Variants in CLYBL observed in about 807,000 individuals in gnomAD.
The protein encoded by CLYBL is citramalyl-CoA lyase.
In CLYBL, 31 loss-of-function variants were observed where a neutral mutation model predicts 38.9. That is an observed-to-expected ratio of 0.80 (90% CI 0.60 to 1.08). CLYBL has a LOEUF of 1.08. Among genes scored for constraint, CLYBL ranks in the 50% least tolerant of loss-of-function variants. The pLI, the probability that CLYBL is intolerant of heterozygous loss-of-function variation, is 0.00. For synonymous variants in CLYBL, 171 were observed against 158.6 expected (o/e 1.08, Z -0.59); for missense variants, 434 against 411.6 (o/e 1.05, Z -0.47).
chr13:99,766,905 T>G (rs536546725), intron 1 of CLYBL, among the ~76,000 whole-genome samples: 12 of 152,338 alleles, frequency 7.9e-5, no homozygotes, highest in African/African-American at 2.9e-4. Flanking sequence ...CACTCTGATT[T>G]GGCATCTCCT....
intron 2 of CLYBL, among the ~76,000 whole-genome samples, chr13:99,827,903 G>A (rs2050727533): frequency 6.6e-6 from 1 of 152,168 alleles, no homozygotes; most frequent in African/African-American, 2.4e-5. Context: ...CAAAAAGTTG[G>A]CCATTGTCAT....
chr13:99,641,629 C>T (rs2047095398), intron 1 of CLYBL, among the ~76,000 whole-genome samples: 1 of 147,564 alleles, frequency 6.8e-6, no homozygotes, highest in South Asian at 2.4e-4. Flanking sequence ...ACGGTGAAAC[C>T]CCATCTCTAC....
chr13:99,807,809 A>C (rs1470651949), intron 2 of CLYBL, among the ~76,000 whole-genome samples: 1 of 152,220 alleles, frequency 6.6e-6, no homozygotes, highest in African/African-American at 2.4e-5. Context: ...ATGTTTCACC[A>C]TAATAAAATA....
Position 99,891,414 on chromosome 13 carries a change from T to A in CLYBL, c.*1T>A. On this transcript the variant is annotated 3_prime_UTR_variant, in exon 8 of 9. Transcript: ENST00000339105. Reference sequence around the variant, plus strand: ...TGCCACCTCCATCAAGGAAAAATGATCTGTTAAATGAAGCTGTCATCAGGT... The same window carrying A: ...TGCCACCTCCATCAAGGAAAAATGAACTGTTAAATGAAGCTGTCATCAGGT... 1.2e-6 allele frequency: 2 copies of A among 1,609,200 alleles called. No homozygotes were observed. Among genetic ancestry groups the A allele is most frequent in the Non-Finnish European group, 1.7e-6 (2 of 1,175,540 alleles).
At chr13:99,730,993 G>A (rs369002535) in intron 1 of CLYBL, among the ~76,000 whole-genome samples, 2 of 146,518 alleles carry the variant, frequency 1.4e-5, no homozygotes, top group African/African-American at 5.0e-5. Context: ...TGAGGCAGGA[G>A]AATCACTTGA....
intron 1 of CLYBL, among the ~76,000 whole-genome samples, chr13:99,707,135 C>T (rs1253731244): frequency 1.3e-5 from 2 of 152,166 alleles, no homozygotes; most frequent in African/African-American, 4.8e-5. Flanking sequence ...TTTCTTCTTA[C>T]CCTCAATGAG....
At chr13:99,891,282 T>G (rs1422253636) in intron 7 of CLYBL, 36 bp from the exon 8 acceptor site, 1 of 1,432,480 alleles carries the variant, frequency 7.0e-7, no homozygotes, top group East Asian at 2.3e-5. Flanking sequence ...TAATTTCGAG[T>G]ATTCTTTCAG....
At chr13:99,616,143 CTTTTTTTT>C (rs34142988) in intron 1 of CLYBL, among the ~76,000 whole-genome samples, 1 of 83,842 alleles carries the variant, frequency 1.2e-5, no homozygotes, top group African/African-American at 5.1e-5. Flanking sequence ...CCACGCCTGG[CTTTTTTTT>C]TTTTTTTTTT....
At chr13:99,639,720 A>G (rs1355020635) in intron 1 of CLYBL, among the ~76,000 whole-genome samples, 1 of 152,138 alleles carries the variant, frequency 6.6e-6, no homozygotes, top group Non-Finnish European at 1.5e-5. Context: ...CAGCGAGACC[A>G]TATCTATACA....
At chr13:99,619,687 G>C (rs1011665432) in intron 1 of CLYBL, among the ~76,000 whole-genome samples, 11 of 152,308 alleles carry the variant, frequency 7.2e-5, no homozygotes, top group African/African-American at 2.4e-4. Context: ...CTGACCCGCA[G>C]TTGGCCCTTG....
intron 1 of CLYBL, among the ~76,000 whole-genome samples, chr13:99,739,696 G>A (rs920452758): frequency 3.3e-5 from 5 of 152,192 alleles, no homozygotes; most frequent in African/African-American, 1.2e-4. Flanking sequence ...ACTTGTGGCC[G>A]GGCATGGTGG....
intron 1 of CLYBL, among the ~76,000 whole-genome samples, chr13:99,711,929 C>G (rs947470992): frequency 5.3e-5 from 8 of 151,220 alleles, no homozygotes; most frequent in African/African-American, 1.9e-4. Context: ...CTTGGCCAGG[C>G]TGGTCTAGAA....
downstream of CLYBL, among the ~76,000 whole-genome samples, chr13:99,899,053 CAGA>C (rs1234248661): frequency 2.6e-5 from 4 of 152,210 alleles, no homozygotes; most frequent in African/African-American, 2.4e-5. Context: ...TACGTGCAGA[CAGA>C]AGAAGAAGCC....
intron 2 of CLYBL, among the ~76,000 whole-genome samples, chr13:99,848,916 A>G (rs1300302794): frequency 6.6e-6 from 1 of 152,218 alleles, no homozygotes; most frequent in African/African-American, 2.4e-5. Flanking sequence ...AGGCAGGCAG[A>G]TCACCTGAGG....
intron 2 of CLYBL, among the ~76,000 whole-genome samples, chr13:99,816,903 A>ATGGAAG (rs1435369969): frequency 6.6e-6 from 1 of 152,232 alleles, no homozygotes; most frequent in Non-Finnish European, 1.5e-5. Context: ...CTGGGGCTTC[A>ATGGAAG]TGGAAGTGGT....
intron 1 of CLYBL, among the ~76,000 whole-genome samples, chr13:99,629,318 C>T (rs1396615598): frequency 6.6e-6 from 1 of 152,226 alleles, no homozygotes; most frequent in East Asian, 1.9e-4. Context: ...AGAACCCATT[C>T]TGTAGACATT....
chr13:99,763,499 G>C (rs144497413), intron 1 of CLYBL, among the ~76,000 whole-genome samples: 1 of 150,030 alleles, frequency 6.7e-6, no homozygotes, highest in Non-Finnish European at 1.5e-5. Flanking sequence ...GATCATCCTC[G>C]CATCCCTGGG....
intron 2 of CLYBL, among the ~76,000 whole-genome samples, chr13:99,792,571 C>G (rs1034906390): frequency 1.3e-5 from 2 of 152,104 alleles, no homozygotes; most frequent in Non-Finnish European, 2.9e-5. Flanking sequence ...ATCCCTCCAC[C>G]CCACACCCCA....
chr13:99,761,380 C>G (rs1017022405), intron 1 of CLYBL, among the ~76,000 whole-genome samples: 7 of 152,188 alleles, frequency 4.6e-5, no homozygotes, highest in Admixed American at 2.0e-4. Flanking sequence ...TTTCTATCTT[C>G]ACAAGATTTG....
Sources: gnomAD v4.1 joint callset for allele counts (sites outside exome capture counted in the v4.1 genomes callset) on GRCh38, gnomAD v4.1.1 for gene constraint, MANE v1.5 for transcripts, NCBI Gene and HGNC (gene_info 2026-07-23, HGNC 2026-07-21) for gene names.